Variants in GRIK4 observed in about 807,000 individuals in gnomAD.
GRIK4 encodes the protein glutamate receptor ionotropic, kainate 4.
Under a neutral mutation model 104.9 loss-of-function variants are expected in GRIK4, and 40 were observed. The observed-to-expected ratio is 0.38, with a 90% CI of 0.30 to 0.50. The LOEUF (loss-of-function observed/expected upper bound fraction) is 0.50. Ranked by LOEUF, GRIK4 falls within the 20% of genes least tolerant of loss-of-function variation. GRIK4 has a pLI of 0.93. For synonymous variants in GRIK4, 485 were observed against 524.9 expected, an observed-to-expected ratio of 0.92 and a Z score of 1.04; for missense variants, 1,047 against 1,308.1, an observed-to-expected ratio of 0.80 and a Z score of 3.08.
chr11:120,846,803 TG>T (rs1953862709), intron 8 of GRIK4, among the ~76,000 whole-genome samples: 1 of 152,182 alleles, frequency 6.6e-6, no homozygotes, highest in Non-Finnish European at 1.5e-5. Flanking sequence ...ATGGATTGGA[TG>T]AATACATAAT....
rs549670761 is a variant in GRIK4 at position 120,517,263 on chromosome 11, C to T, written c.-159+5376C>T. 1.7e-3 allele frequency among the ~76,000 whole-genome samples: 248 copies of T among 149,454 alleles called. 11 individuals are homozygous for T. Among genetic ancestry groups the T allele is most frequent in the Non-Finnish European group, 2.6e-3 (173 of 67,602 alleles). On this transcript the variant is annotated intron_variant, in intron 1 of 20. Coordinates refer to ENST00000527524, the MANE Select transcript of GRIK4 (RefSeq NM_014619.5). The stretch of plus-strand genomic sequence containing the variant: ...TTAAGGGACCTCAACTCATGTTTAA[C>T]AGACACTTGTTACAGAGATAAATTC...
At chr11:120,963,919 C>G (rs908724907) in intron 18 of GRIK4, among the ~76,000 whole-genome samples, 6 of 151,930 alleles carry the variant, frequency 3.9e-5, no homozygotes, top group Admixed American at 2.0e-4. Context: ...CTGAGCCTAC[C>G]TTGGGGTATA....
chr11:120,767,236 A>G (rs1301022493), intron 3 of GRIK4, among the ~76,000 whole-genome samples: 4 of 152,156 alleles, frequency 2.6e-5, no homozygotes, highest in African/African-American at 4.8e-5. Flanking sequence ...CTATTTGATA[A>G]TAGCCATTTT....
chr11:120,559,352 C>A (rs1337727333), intron 1 of GRIK4, among the ~76,000 whole-genome samples: 1 of 152,168 alleles, frequency 6.6e-6, no homozygotes, highest in African/African-American at 2.4e-5. Context: ...TGGGTGCTTA[C>A]CCATGCTGGG....
intron 4 of GRIK4, among the ~76,000 whole-genome samples, chr11:120,813,221 A>G (rs1371683315): frequency 1.3e-5 from 2 of 152,098 alleles, no homozygotes; most frequent in African/African-American, 2.4e-5. Flanking sequence ...GCGGGTCAGG[A>G]GACTTGAATC....
intron 1 of GRIK4, among the ~76,000 whole-genome samples, chr11:120,547,143 C>T (rs192372336): frequency 2.2e-4 from 33 of 152,338 alleles, no homozygotes; most frequent in African/African-American, 7.9e-4. Context: ...CCTCTCTTCC[C>T]TCCACTCATC....
intron 16 of GRIK4, 133 bp downstream of exon 16, chr11:120,957,086 T>C (rs1944172802): frequency 2.7e-6 from 2 of 736,402 alleles, no homozygotes; most frequent in Non-Finnish European, 4.2e-6. Context: ...GGAAGCCGAG[T>C]GCTTTCTGCC....
At chr11:120,943,105 T>TACA (rs1943762831) in intron 14 of GRIK4, among the ~76,000 whole-genome samples, 1 of 69,208 alleles carries the variant, frequency 1.4e-5, no homozygotes, top group Non-Finnish European at 3.2e-5. Context: ...TCTGTCCCTC[T>TACA]CTACACACAC....
At chr11:120,958,630 G>T (rs1440770912) in intron 16 of GRIK4, among the ~76,000 whole-genome samples, 1 of 152,214 alleles carries the variant, frequency 6.6e-6, no homozygotes, top group Non-Finnish European at 1.5e-5. Context: ...ACACAGGAGC[G>T]AGGCTCCACT....
chr11:120,652,858 A>G (rs957354847), intron 1 of GRIK4, among the ~76,000 whole-genome samples: 20 of 152,128 alleles, frequency 1.3e-4, no homozygotes, highest in Non-Finnish European at 2.4e-4. Context: ...AGGAGAGGCT[A>G]TTTGCACAAC....
At chr11:120,806,037 G>A (rs1294066200) in intron 4 of GRIK4, among the ~76,000 whole-genome samples, 1 of 152,204 alleles carries the variant, frequency 6.6e-6, no homozygotes, top group Non-Finnish European at 1.5e-5. Context: ...TTCCTCGTTT[G>A]TAAAATGGGA....
At chr11:120,532,387 G>A (rs1422619397) in intron 1 of GRIK4, among the ~76,000 whole-genome samples, 1 of 152,214 alleles carries the variant, frequency 6.6e-6, no homozygotes, top group Admixed American at 6.5e-5. Flanking sequence ...GGTATTGTCA[G>A]GGAATGTCCC....
chr11:120,588,406 A>G (rs1948695123), intron 1 of GRIK4, among the ~76,000 whole-genome samples: 1 of 152,148 alleles, frequency 6.6e-6, no homozygotes. Flanking sequence ...GCATAGAGGG[A>G]ACAATGCAGT....
intron 1 of GRIK4, among the ~76,000 whole-genome samples, chr11:120,556,907 G>T (rs886987528): frequency 5.3e-5 from 8 of 151,860 alleles, no homozygotes; most frequent in African/African-American, 1.7e-4. Flanking sequence ...CCTTCCCCTC[G>T]CCTTGTCACC....
intron 13 of GRIK4, among the ~76,000 whole-genome samples, chr11:120,907,760 C>T (rs898379267): frequency 2.0e-5 from 3 of 151,970 alleles, no homozygotes; most frequent in African/African-American, 4.8e-5. Flanking sequence ...GCACGGTGGG[C>T]GCACAATGGG....
Position 120,904,681 on chromosome 11 carries a change from C to T in GRIK4, c.1273-609C>T, listed in dbSNP as rs147836762. 4.3e-3 allele frequency among the ~76,000 whole-genome samples: 655 copies of T among 152,322 alleles called. 5 individuals carry two copies. Among genetic ancestry groups the T allele is most frequent in the African/African-American group, 0.015 (630 of 41,566 alleles). On this transcript the variant is annotated intron_variant, in intron 12 of 20. Transcript: ENST00000527524. The stretch of plus-strand genomic sequence containing the variant: ...GCTCCGGCTACCCTGGAAGGTCCAT[C>T]GTCCACTGAGCAGCCACTCAGGATC...
At chr11:120,588,070 G>T (rs1274138209) in intron 1 of GRIK4, among the ~76,000 whole-genome samples, 1 of 152,130 alleles carries the variant, frequency 6.6e-6, no homozygotes, top group East Asian at 1.9e-4. Context: ...ACACTGACTG[G>T]GGGTGGGCTG....
intron 1 of GRIK4, among the ~76,000 whole-genome samples, chr11:120,639,223 A>G (rs1365402445): frequency 6.6e-6 from 1 of 152,132 alleles, no homozygotes; most frequent in Non-Finnish European, 1.5e-5. Flanking sequence ...AATAAAAATA[A>G]AAGCAGAGGT....
At chr11:120,808,207 C>A (rs1424079159) in intron 4 of GRIK4, among the ~76,000 whole-genome samples, 1 of 152,090 alleles carries the variant, frequency 6.6e-6, no homozygotes, top group Non-Finnish European at 1.5e-5. Flanking sequence ...TTCTGGAGTT[C>A]AATGCACCAG....
Sources: allele counts gnomAD v4.1 joint callset (sites outside exome capture counted in the v4.1 genomes callset), GRCh38; gene constraint gnomAD v4.1.1; transcripts MANE v1.5; gene names NCBI Gene and HGNC (gene_info 2026-07-23, HGNC 2026-07-21).